Variants in PDE4D observed in about 807,000 individuals in gnomAD.
PDE4D encodes 3',5'-cyclic-AMP phosphodiesterase 4D.
A neutral mutation model predicts 87.4 loss-of-function variants in PDE4D; 24 were observed. The ratio of observed to expected loss-of-function variants is 0.27; its 90% CI spans 0.20 to 0.39. The LOEUF is 0.39. Among genes scored for constraint, PDE4D ranks in the 10% least tolerant of loss-of-function variants. PDE4D has a pLI of 1.00. For missense variants in PDE4D, 714 were observed against 1,041.0 expected (o/e 0.69, Z 4.32); for synonymous variants, 384 against 383.2 (o/e 1.00, Z -0.02).
chr5:59,710,295 G>A (rs867103642), intron 1 of PDE4D, among the ~76,000 whole-genome samples: 4 of 152,134 alleles, frequency 2.6e-5, no homozygotes, highest in Non-Finnish European at 5.9e-5. Context: ...CTTAGCATGA[G>A]AGGCAGGAAA....
intron 1 of PDE4D, among the ~76,000 whole-genome samples, chr5:59,781,067 G>A (rs1052253526): frequency 1.3e-5 from 2 of 151,110 alleles, no homozygotes; most frequent in African/African-American, 4.9e-5. Flanking sequence ...TCAGGATGCT[G>A]AGGCAGGAGA....
intron 2 of PDE4D, among the ~76,000 whole-genome samples, chr5:60,078,872 A>T (rs1461521780): frequency 1.3e-5 from 2 of 152,144 alleles, no homozygotes; most frequent in African/African-American, 4.8e-5. Flanking sequence ...TTTGTAGTAG[A>T]ATTATTTATA....
chr5:59,887,952 T>C (rs905197014), intron 1 of PDE4D, among the ~76,000 whole-genome samples: 1 of 152,172 alleles, frequency 6.6e-6, no homozygotes, highest in Non-Finnish European at 1.5e-5. Context: ...TGTAAAGTAA[T>C]TGTCAGCAGA....
chr5:60,144,401 C>T (rs973783088), intron 2 of PDE4D, among the ~76,000 whole-genome samples: 3 of 152,148 alleles, frequency 2.0e-5, no homozygotes, highest in African/African-American at 4.8e-5. Flanking sequence ...TGCTCATCAT[C>T]GATAAAGAGA....
intron 1 of PDE4D, among the ~76,000 whole-genome samples, chr5:59,291,557 T>G (rs570288035): frequency 3.5e-4 from 53 of 152,048 alleles, no homozygotes; most frequent in African/African-American, 1.1e-3. Context: ...TGTATGTTTT[T>G]TAAGCAATTA....
intron 1 of PDE4D, among the ~76,000 whole-genome samples, chr5:59,752,337 AAAT>A (rs1411746967): frequency 1.3e-5 from 2 of 152,206 alleles, no homozygotes; most frequent in African/African-American, 2.4e-5. Context: ...TTGAACTTCT[AAAT>A]AATTTTATGA....
At chr5:59,518,319 AAT>A (rs1270374922) in intron 1 of PDE4D, among the ~76,000 whole-genome samples, 4 of 152,100 alleles carry the variant, frequency 2.6e-5, no homozygotes, top group African/African-American at 9.7e-5. Flanking sequence ...TAAAAAAAAA[AAT>A]AAAGCACGCT....
At chr5:59,588,584 G>T (rs1224113001) in intron 1 of PDE4D, among the ~76,000 whole-genome samples, 1 of 152,174 alleles carries the variant, frequency 6.6e-6, no homozygotes, top group South Asian at 2.1e-4. Context: ...AAGATTGGGT[G>T]GAGGGCATGT....
At chr5:60,441,590 A>T (rs1745217139) in intron 1 of PDE4D, among the ~76,000 whole-genome samples, 1 of 152,194 alleles carries the variant, frequency 6.6e-6, no homozygotes. Context: ...GACAAATGGG[A>T]TCTAATTAAA....
chr5:59,410,820 A>AT (rs960566885), intron 1 of PDE4D, among the ~76,000 whole-genome samples: 5 of 133,240 alleles, frequency 3.8e-5, no homozygotes, highest in Admixed American at 6.9e-5. Flanking sequence ...GAGTGCAGAT[A>AT]TTTTTTTAGA....
chr5:59,170,950 C>T (rs1363348226), intron 5 of PDE4D, among the ~76,000 whole-genome samples: 8 of 150,410 alleles, frequency 5.3e-5, no homozygotes, highest in Admixed American at 1.3e-4. Flanking sequence ...GGTGCCATCT[C>T]GGCTCACTGT....
At chr5:60,349,132 T>C (rs966811128) in intron 1 of PDE4D, among the ~76,000 whole-genome samples, 4 of 152,224 alleles carry the variant, frequency 2.6e-5, no homozygotes, top group African/African-American at 9.6e-5. Context: ...CAATGACAAA[T>C]ACTAGTGAAA....
At chr5:59,728,012 C>T (rs780773897) in intron 1 of PDE4D, among the ~76,000 whole-genome samples, 1 of 152,064 alleles carries the variant, frequency 6.6e-6, no homozygotes, top group Non-Finnish European at 1.5e-5. Flanking sequence ...TCTTCACACA[C>T]GTGACCTAAT....
chr5:60,429,915 C>A, intron 1 of PDE4D: 2 of 410,960 alleles, frequency 4.9e-6, no homozygotes, highest in Non-Finnish European at 9.6e-6. Flanking sequence ...AGTTCACATT[C>A]ACACCGACTG....
chr5:60,107,284 C>A (rs1392049796), intron 2 of PDE4D, among the ~76,000 whole-genome samples: 9 of 152,004 alleles, frequency 5.9e-5, no homozygotes, highest in Admixed American at 3.9e-4. Context: ...CCTGGACACA[C>A]ACACTCTCCC....
intron 5 of PDE4D, among the ~76,000 whole-genome samples, chr5:59,040,375 G>C (rs1412999332): frequency 3.3e-5 from 5 of 152,186 alleles, no homozygotes; most frequent in Admixed American, 2.0e-4. Context: ...ACAGCAATGT[G>C]AAAGAACCAC....
chr5:59,126,120 A>G (rs1240850501), intron 5 of PDE4D, among the ~76,000 whole-genome samples: 1 of 137,566 alleles, frequency 7.3e-6, no homozygotes, highest in Non-Finnish European at 1.7e-5. Flanking sequence ...AGAGAGAGAG[A>G]GAGAGAGAGA....
chr5:59,914,019 T>C (rs1385387563), intron 3 of PDE4D, among the ~76,000 whole-genome samples: 1 of 152,184 alleles, frequency 6.6e-6, no homozygotes, highest in Non-Finnish European at 1.5e-5. Context: ...TGGGCCACCT[T>C]GAGTAGAATA....
At chr5:59,849,386 T>C (rs572986596) in intron 1 of PDE4D, among the ~76,000 whole-genome samples, 4 of 152,122 alleles carry the variant, frequency 2.6e-5, no homozygotes, top group African/African-American at 7.2e-5. Context: ...CAAAGAGACA[T>C]GAAGTTTTAA....
Sources: allele counts gnomAD v4.1 joint callset (sites outside exome capture counted in the v4.1 genomes callset), GRCh38; gene constraint gnomAD v4.1.1; transcripts MANE v1.5; gene names NCBI Gene and HGNC (gene_info 2026-07-23, HGNC 2026-07-21).